The following SCRG1 variants were observed in gnomAD, a reference collection of about 807,000 sequenced individuals.
The protein encoded by SCRG1 is stimulator of chondrogenesis 1, also known as scrapie-responsive protein 1.
SCRG1 carries 3 observed loss-of-function variants against 7.7 expected under a neutral mutation model. The observed-to-expected ratio is 0.39, with a 90% CI of 0.18 to 1.01. SCRG1 has a LOEUF of 1.01. Among genes scored for constraint, SCRG1 ranks in the 50% least tolerant of loss-of-function variants. SCRG1 has a pLI of 0.36. For missense variants in SCRG1, 110 were observed against 117.2 expected (o/e 0.94, Z 0.28); for synonymous variants, 46 against 41.2 (o/e 1.12, Z -0.44).
At chr4:173,430,244 T>G in the SCRG1 span, among the ~76,000 whole-genome samples, 1 of 152,206 alleles carries the variant, frequency 6.6e-6, no homozygotes, top group Non-Finnish European at 1.5e-5. Context: ...AGGAAAATCC[T>G]GAGGATATTA....
intron 1 of SCRG1, among the ~76,000 whole-genome samples, chr4:173,396,360 G>A (rs558451037): frequency 6.6e-6 from 1 of 152,324 alleles, no homozygotes; most frequent in Admixed American, 6.5e-5. Context: ...GGGTCTGGCA[G>A]GGCAGTAAAG....
the SCRG1 span, among the ~76,000 whole-genome samples, chr4:173,466,007 A>G: frequency 6.6e-6 from 1 of 152,142 alleles, no homozygotes. Context: ...ATTACCAGCA[A>G]TAAAGGATAC....
chr4:173,514,382 T>G, the SCRG1 span, among the ~76,000 whole-genome samples: 2 of 152,330 alleles, frequency 1.3e-5, no homozygotes, highest in South Asian at 4.1e-4. Flanking sequence ...CTTTTGTTGT[T>G]GTTACTAAGA....
chr4:173,515,816 G>A, the SCRG1 span, among the ~76,000 whole-genome samples: 1 of 152,118 alleles, frequency 6.6e-6, no homozygotes, highest in Non-Finnish European at 1.5e-5. The surrounding 1 kb of genome is among the most constrained non-coding windows in gnomAD (Gnocchi z 4.6). Flanking sequence ...GCATTTACTT[G>A]CCTAAAGGCC....
chr4:173,441,555 T>C, the SCRG1 span, among the ~76,000 whole-genome samples: 2 of 152,216 alleles, frequency 1.3e-5, no homozygotes, highest in Non-Finnish European at 2.9e-5. Flanking sequence ...TCATAAAAAG[T>C]ATAAAGGATC....
At chr4:173,484,100 T>TAATATATAATATATAATATAC in the SCRG1 span, among the ~76,000 whole-genome samples, 11 of 38,200 alleles carry the variant, frequency 2.9e-4, no homozygotes, top group African/African-American at 6.3e-4. Context: ...ATACCATATA[T>TAATATATAATATATAATATAC]AATATATAAT....
the SCRG1 span, among the ~76,000 whole-genome samples, chr4:173,506,621 GC>G: frequency 1.1e-4 from 16 of 152,324 alleles, no homozygotes; most frequent in East Asian, 1.9e-4. The surrounding 1 kb of genome is among the most constrained non-coding windows in gnomAD (Gnocchi z 5.3). Context: ...GAGGGTAGGG[GC>G]GGGCAGATTT....
At chr4:173,513,299 G>C in the SCRG1 span, among the ~76,000 whole-genome samples, 2 of 152,042 alleles carry the variant, frequency 1.3e-5, no homozygotes, top group African/African-American at 4.8e-5. Flanking sequence ...CCTAGGGATT[G>C]ATTATTCCAC....
At chr4:173,439,173 A>C in the SCRG1 span, among the ~76,000 whole-genome samples, 11 of 152,278 alleles carry the variant, frequency 7.2e-5, no homozygotes, top group Non-Finnish European at 2.9e-5. Flanking sequence ...GGGTCCCAAA[A>C]CATTACTGCT....
At chr4:173,419,981 C>G in the SCRG1 span, 1 of 705,518 alleles carries the variant, frequency 1.4e-6, no homozygotes, top group South Asian at 1.4e-5. Flanking sequence ...AATGATATCT[C>G]TATCATCCTG....
the SCRG1 span, among the ~76,000 whole-genome samples, chr4:173,433,270 AAGCAAGTTCCT>A: frequency 6.6e-6 from 1 of 152,244 alleles, no homozygotes; most frequent in African/African-American, 2.4e-5. Context: ...AAACAAAATA[AAGCAAGTTCCT>A]TTACTGCAAG....
upstream of SCRG1, among the ~76,000 whole-genome samples, chr4:173,402,422 AT>A (rs1431171400): frequency 6.6e-6 from 1 of 150,658 alleles, no homozygotes; most frequent in Non-Finnish European, 1.5e-5. Flanking sequence ...CTGAAATTAA[AT>A]TTGTAAAGAG....
the SCRG1 span, among the ~76,000 whole-genome samples, chr4:173,514,321 C>T: frequency 6.6e-6 from 1 of 152,188 alleles, no homozygotes; most frequent in East Asian, 1.9e-4. Context: ...GCTAAGCATA[C>T]AACTGAAAAG....
the SCRG1 span, among the ~76,000 whole-genome samples, chr4:173,514,819 A>C: frequency 6.6e-6 from 1 of 152,366 alleles, no homozygotes; most frequent in South Asian, 2.1e-4. Context: ...GCTAATAAAC[A>C]ACTTAAGCCA....
At chr4:173,468,909 G>A in the SCRG1 span, 1 of 149,426 alleles carries the variant, frequency 6.7e-6, no homozygotes, top group African/African-American at 2.6e-5. Flanking sequence ...TTTGCTCAGA[G>A]TAAGTGCTCA....
At chr4:173,402,098 C>T (rs1331007888), upstream of SCRG1, among the ~76,000 whole-genome samples, 1 of 152,178 alleles carries the variant, frequency 6.6e-6, no homozygotes, top group Non-Finnish European at 1.5e-5. Flanking sequence ...GCTCTGAAGA[C>T]CACCTGTTTC....
the SCRG1 span, among the ~76,000 whole-genome samples, chr4:173,444,399 ATAGTGCATATTTAGGCTT>A: frequency 6.6e-6 from 1 of 152,254 alleles, no homozygotes; most frequent in Admixed American, 6.5e-5. Flanking sequence ...CATAAAGGAC[ATAGTGCATATTTAGGCTT>A]TGCAGGCACA....
At chr4:173,443,934 G>A in the SCRG1 span, among the ~76,000 whole-genome samples, 1 of 143,666 alleles carries the variant, frequency 7.0e-6, no homozygotes, top group East Asian at 2.1e-4. Flanking sequence ...CAAGGGCAAA[G>A]AGCTTGTTTT....
At chr4:173,498,368 G>C in the SCRG1 span, among the ~76,000 whole-genome samples, 8 of 152,210 alleles carry the variant, frequency 5.3e-5, no homozygotes, top group Non-Finnish European at 7.3e-5. Context: ...AAGGACTGCA[G>C]ATGTTGGGGA....
Sources: gnomAD v4.1 joint callset for allele counts (sites outside exome capture counted in the v4.1 genomes callset) on GRCh38, gnomAD v4.1.1 for gene constraint, Gnocchi (gnomAD v3.1) non-coding constraint, MANE v1.5 for transcripts, NCBI Gene and HGNC (gene_info 2026-07-23, HGNC 2026-07-21) for gene names.